The following FANCD2 variants were observed in gnomAD, a reference collection of about 807,000 sequenced individuals.
The protein encoded by FANCD2 is FA complementation group D2.
A neutral mutation model predicts 192.3 loss-of-function variants in FANCD2; 131 were observed. The ratio of observed to expected loss-of-function variants is 0.68; its 90% CI spans 0.59 to 0.79. The LOEUF (loss-of-function observed/expected upper bound fraction) is 0.79, where lower values mean the gene tolerates loss of function less well. FANCD2 is among the 30% of genes least tolerant of loss of function. FANCD2 has a pLI of 0.00. For synonymous variants in FANCD2, 524 were observed against 612.5 expected (o/e 0.86, Z 2.13); for missense variants, 1,508 against 1,701.6 (o/e 0.89, Z 2.00).
intron 43 of FANCD2, chr3:10,099,420 C>G (rs1048063622): frequency 3.7e-6 from 3 of 808,836 alleles, no homozygotes; most frequent in Non-Finnish European, 4.7e-6. Flanking sequence ...TCCGGGAGCT[C>G]AAGGCAAAGC....
intron 18 of FANCD2, among the ~76,000 whole-genome samples, chr3:10,059,218 T>C (rs2087494710): frequency 6.6e-6 from 1 of 152,114 alleles, no homozygotes; most frequent in Non-Finnish European, 1.5e-5. Flanking sequence ...TTTGCCATGT[T>C]ACCCAGGCTG....
At chr3:10,042,493 C>T (rs1444941440) in intron 10 of FANCD2, 66 bp from the exon 11 acceptor site, 8 of 1,192,422 alleles carry the variant, frequency 6.7e-6, no homozygotes, top group Non-Finnish European at 1.0e-5. Flanking sequence ...TTTTATCTAA[C>T]AGTTCAGTAC....
intron 23 of FANCD2, 67 bp from the exon 24 acceptor site, chr3:10,065,327 A>G: frequency 9.7e-7 from 1 of 1,031,356 alleles, no homozygotes; most frequent in South Asian, 1.3e-5. Flanking sequence ...GTGGAGTAAT[A>G]TCTCCCTATG....
intron 7 of FANCD2, among the ~76,000 whole-genome samples, chr3:10,037,370 T>G (rs2086758133): frequency 6.6e-6 from 1 of 152,192 alleles, no homozygotes; most frequent in Non-Finnish European, 1.5e-5. Context: ...TTGAGTGTAG[T>G]GAATAGGCAT....
intron 32 of FANCD2, 52 bp from the exon 33 acceptor site, chr3:10,085,760 C>A: frequency 8.8e-7 from 1 of 1,135,304 alleles, no homozygotes; most frequent in Non-Finnish European, 1.3e-6. Flanking sequence ...TAAATACTAT[C>A]CAAGTAGTTT....
chr3:10,081,297 A>G, intron 31 of FANCD2, 49 bp from the exon 32 acceptor site: 2 of 1,612,200 alleles, frequency 1.2e-6, no homozygotes, highest in Non-Finnish European at 1.7e-6. Context: ...AAAAAGGAAA[A>G]TGAGGACAAT....
In FANCD2 at chr3:10,065,507, GTCA is replaced by G; in HGVS notation, c.2269+17_2269+19del. On this transcript the variant is annotated intron_variant, in intron 24 of 43. Transcript: ENST00000675286. ...GATGGTCTACTAGGTATGGGATGAAGTCATCAGATCCTTTCTTCTTTATACTCT... is the reference window on the plus strand; with the variant it reads ...GATGGTCTACTAGGTATGGGATGAAGTCAGATCCTTTCTTCTTTATACTCT... 1 of 1,515,500 alleles carries G rather than the reference GTCA, an allele frequency of 6.6e-7. No individual in the cohort carries two copies. Among genetic ancestry groups the G allele is most frequent in the Non-Finnish European group, 9.2e-7 (1 of 1,089,884 alleles). 93.9% of individuals were successfully genotyped at this position (1,515,500 alleles called of 1,614,324 possible).
At chr3:10,047,772 G>T in intron 15 of FANCD2, 145 bp from the exon 16 acceptor site, 3 of 884,796 alleles carry the variant, frequency 3.4e-6, no homozygotes, top group Non-Finnish European at 5.6e-6. Context: ...GATTATTTTT[G>T]TGTAAAACAA....
chr3:10,058,015 C>T, intron 18 of FANCD2: 1 of 448,978 alleles, frequency 2.2e-6, no homozygotes, highest in South Asian at 1.9e-5. Flanking sequence ...TCAAGTTTGC[C>T]CTTTCTGCCT....
Position 10,090,318 on chromosome 3 carries a change from T to C in FANCD2, c.3710T>C (p.Val1237Ala), listed in dbSNP as rs767806932. 3.7e-6 allele frequency: 6 copies of C among 1,613,590 alleles called. No homozygotes were observed. The highest frequency in any genetic ancestry group is 5.1e-6 in the Non-Finnish European group (6 of 1,179,878). The change falls in exon 37 of 44, where the codon GTG becomes GCG. Residue 1237 changes from valine (V) to alanine (A), a missense_variant. Coordinates refer to ENST00000675286, the MANE Select transcript of FANCD2 (RefSeq NM_001018115.3). ...TRHTFVVFFR[V>A]MMAELEKTVK... ...CATACTTTTGTTGTTTTCTTCCGTGTGATGATGGCTGAACTAGAGAAGACG... is the reference window on the plus strand; with the variant it reads ...CATACTTTTGTTGTTTTCTTCCGTGCGATGATGGCTGAACTAGAGAAGACG...
At position 10,088,916 on chromosome 3, in the gene FANCD2, G is replaced by T; in HGVS notation, c.3649G>T (p.Asp1217Tyr). The change falls in exon 36 of 44, where the codon GAT becomes TAT. Residue 1217 changes from aspartate to tyrosine, a missense_variant. Coordinates refer to ENST00000675286, the MANE Select transcript of FANCD2 (RefSeq NM_001018115.3). ...CCCAGAACTGATCAACTCTCCTAAA[G>T]ATGCATCTTCCTCCACATTCCCTAC... is the stretch of plus-strand genomic sequence containing the variant. ...GVPELINSPKDASSSTFPTLT... is the reference protein window; with the variant it reads ...GVPELINSPKYASSSTFPTLT... 6.2e-7 allele frequency: 1 copy of T among 1,613,922 alleles called. No homozygotes were observed. The highest frequency in any genetic ancestry group is 8.5e-7 in the Non-Finnish European group (1 of 1,179,920).
intron 9 of FANCD2, chr3:10,041,330 T>C (rs946185140): frequency 6.1e-6 from 2 of 329,798 alleles, no homozygotes; most frequent in African/African-American, 4.3e-5. Context: ...GTTTTCTTTT[T>C]CCTTTTTGCG....
At chr3:10,049,907 G>A (rs562996800) in intron 17 of FANCD2, among the ~76,000 whole-genome samples, 5 of 152,336 alleles carry the variant, frequency 3.3e-5, no homozygotes, top group South Asian at 2.1e-4. Flanking sequence ...TGGGAAGTGC[G>A]TTCTAGGCAG....
rs1332641585 is a variant in FANCD2 at position 10,041,607 on chromosome 3, T to C, written c.696-16T>C. 2 of 1,589,022 alleles carry C rather than the reference T, an allele frequency of 1.3e-6. No individual in the cohort carries two copies. Among genetic ancestry groups the C allele is most frequent in the South Asian group, 2.2e-5 (2 of 90,614 alleles). On this transcript the variant is annotated splice_polypyrimidine_tract_variant and intron_variant, in intron 9 of 43. Transcript: ENST00000675286. The stretch of plus-strand genomic sequence containing the variant: ...CAAACCATTATACAACTTTTTTCTT[T>C]TTCTACCATTCACAGTGACCTACTG...
In FANCD2 at chr3:10,078,072, A is replaced by G. The variant is rs769343757; in HGVS notation, c.2860-9A>G. ...ATTCCTGGAACTAATCCTTTCCTCC[A>G]TGTGACAGGCTACAGAAGTTGTGCA... On this transcript the variant is annotated splice_polypyrimidine_tract_variant and intron_variant, in intron 29 of 43. Coordinates refer to ENST00000675286, the MANE Select transcript of FANCD2 (RefSeq NM_001018115.3). The G allele has an allele frequency of 1.3e-6, 2 of 1,570,448 alleles. No homozygotes were observed. The highest frequency in any genetic ancestry group is 3.3e-5 in the Admixed American group (2 of 59,946).
In FANCD2 at chr3:10,035,244, C is replaced by CA; in HGVS notation, c.438+12dup. 6.2e-7 allele frequency: 1 copy of CA among 1,610,610 alleles called. No homozygotes were observed. The highest frequency in any genetic ancestry group is 8.5e-7 in the Non-Finnish European group (1 of 1,177,022). On this transcript the variant is annotated intron_variant, in intron 6 of 43. Coordinates refer to ENST00000675286, the MANE Select transcript of FANCD2 (RefSeq NM_001018115.3). ...ATTGACATACTGCAGGTAAGACTGT[C>CA]ACTTTTTCTGTGAACATTTGATGGA...
chr3:10,085,190 G>A (rs957878498), intron 32 of FANCD2, among the ~76,000 whole-genome samples: 1 of 152,134 alleles, frequency 6.6e-6, no homozygotes, highest in Non-Finnish European at 1.5e-5. Flanking sequence ...ATGAAGGAGA[G>A]CTTTTTGCCC....
At chr3:10,038,701 C>G (rs2086790427) in intron 7 of FANCD2, among the ~76,000 whole-genome samples, 1 of 151,820 alleles carries the variant, frequency 6.6e-6, no homozygotes, top group South Asian at 2.1e-4. Flanking sequence ...CTGCCTCAGC[C>G]TCCCAAGTAG....
At chr3:10,028,328 G>T (rs2086507805) in intron 1 of FANCD2, among the ~76,000 whole-genome samples, 2 of 152,146 alleles carry the variant, frequency 1.3e-5, no homozygotes, top group African/African-American at 4.8e-5. Flanking sequence ...TGAATTAAAG[G>T]ACAGGTACGT....
Sources: allele counts gnomAD v4.1 joint callset (sites outside exome capture counted in the v4.1 genomes callset), GRCh38; gene constraint gnomAD v4.1.1; transcripts MANE v1.5; gene names NCBI Gene and HGNC (gene_info 2026-07-23, HGNC 2026-07-21).